Variants in ANXA10 observed in about 807,000 individuals in gnomAD.
The protein encoded by ANXA10 is annexin 14.
A neutral mutation model predicts 53.5 loss-of-function variants in ANXA10; 49 were observed. That is an observed-to-expected ratio of 0.92 (90% confidence interval 0.73 to 1.16). ANXA10 has a LOEUF of 1.16. Ranked by LOEUF, ANXA10 falls within the 50% of genes most tolerant of loss-of-function variation. The pLI is 0.00. For synonymous variants in ANXA10, 131 were observed against 128.9 expected (o/e 1.02, Z -0.11); for missense variants, 393 against 394.4 (o/e 1.00, Z 0.03).
chr4:168,148,293 A>C (rs925286717), intron 3 of ANXA10, among the ~76,000 whole-genome samples: 3 of 151,642 alleles, frequency 2.0e-5, no homozygotes, highest in Admixed American at 1.3e-4. Context: ...CAGCCTCCTG[A>C]GTAGCTGGGA....
chr4:168,105,889 G>C (rs1730712882), intron 1 of ANXA10, among the ~76,000 whole-genome samples: 1 of 151,792 alleles, frequency 6.6e-6, no homozygotes. Flanking sequence ...TTTTTCATAT[G>C]CTTCTTAGCC....
rs753292576 is a variant in ANXA10 at position 168,177,928 on chromosome 4, CAAAACCATGCTGCA to C, written c.576_589del (p.Lys192AsnfsTer31). Reference sequence around the variant, plus strand: ...CCTGTCAGCAGAAGACGGGGGAGCACAAAACCATGCTGCAAATGATCCTGTGCAACAAGAGCTAC... The same window carrying C: ...CCTGTCAGCAGAAGACGGGGGAGCACAATGATCCTGTGCAACAAGAGCTAC... On this transcript the variant is annotated frameshift_variant, in exon 8 of 12. Transcript: ENST00000359299. LOFTEE classifies it high-confidence loss of function. The C allele has an allele frequency of 8.7e-5, 141 of 1,613,960 alleles. 1 individual carries two copies. The highest frequency in any genetic ancestry group is 2.1e-4 in the South Asian group (19 of 91,060).
rs1731654352 is a variant in ANXA10 at position 168,156,099 on chromosome 4, A to G, written c.196-6429A>G. The stretch of plus-strand genomic sequence containing the variant: ...ATATATTATATATAATATTTATTAT[A>G]TATAAATATTATATTTATTTATATT... On this transcript the variant is annotated intron_variant, in intron 3 of 11. Transcript: ENST00000359299. 4.6e-5 allele frequency among the ~76,000 whole-genome samples: 3 copies of G among 64,528 alleles called. No individual in the cohort carries two copies. In the South Asian group the frequency reaches 1.3e-3, roughly 29 times the overall value. 42.3% of individuals were successfully genotyped at this position (64,528 alleles called of 152,430 possible).
intron 1 of ANXA10, among the ~76,000 whole-genome samples, chr4:168,097,469 A>G (rs1348392128): frequency 1.3e-5 from 2 of 152,012 alleles, no homozygotes. Flanking sequence ...ATTACATTCT[A>G]TATACAGACT....
chr4:168,116,996 G>GACACACACACACACACAC (rs9312272), intron 1 of ANXA10, among the ~76,000 whole-genome samples: 1,595 of 151,088 alleles, frequency 0.011, 16 homozygotes, highest in Non-Finnish European at 0.014. Context: ...TTTTCACACA[G>GACACACACACACACACAC]ACACACACAC....
chr4:168,096,058 G>A (rs1176014735), intron 1 of ANXA10, among the ~76,000 whole-genome samples: 1 of 152,128 alleles, frequency 6.6e-6, no homozygotes, highest in African/African-American at 2.4e-5. Flanking sequence ...GTTTTTAGCA[G>A]TGGATTACAT....
chr4:168,168,949 C>T (rs6832290), intron 6 of ANXA10, among the ~76,000 whole-genome samples: 3,678 of 152,214 alleles, frequency 0.024, 201 homozygotes, highest in East Asian at 0.14. Context: ...TGTGGTTTGG[C>T]TACATAGTTC....
intron 1 of ANXA10, among the ~76,000 whole-genome samples, chr4:168,106,131 C>G (rs1730716162): frequency 6.6e-6 from 1 of 151,988 alleles, no homozygotes; most frequent in Non-Finnish European, 1.5e-5. Context: ...TTTATTAGAT[C>G]CCATTTGTCA....
chr4:168,155,809 A>C (rs1253745977), intron 3 of ANXA10, among the ~76,000 whole-genome samples: 2 of 17,052 alleles, frequency 1.2e-4, no homozygotes, highest in African/African-American at 5.0e-4. Context: ...ATAATATATG[A>C]TATATTATAT....
chr4:168,155,420 AT>A (rs1731593061), intron 3 of ANXA10, among the ~76,000 whole-genome samples: 2 of 90,988 alleles, frequency 2.2e-5, no homozygotes, highest in Admixed American at 3.6e-4. Context: ...TATACATTAT[AT>A]TATATATAAT....
At chr4:168,179,074 T>C in intron 8 of ANXA10, 143 bp from the exon 9 acceptor site, 1 of 555,398 alleles carries the variant, frequency 1.8e-6, no homozygotes, top group South Asian at 2.0e-5. Flanking sequence ...TTTGTTTCAA[T>C]GGTATTTATA....
chr4:168,187,348 T>C lies in ANXA10; in HGVS notation c.907-18T>C. The C allele has an allele frequency of 6.6e-7, 1 of 1,509,656 alleles. No homozygotes were observed. The highest frequency in any genetic ancestry group is 9.1e-7 in the Non-Finnish European group (1 of 1,101,434). 93.5% of individuals were successfully genotyped at this position (1,509,656 alleles called of 1,614,324 possible). On this transcript the variant is annotated intron_variant, in intron 11 of 11. Transcript: ENST00000359299. ...ATTATGATATTTTATTTCAAATATA[T>C]TATATTTTTCTTTTCAGAATTTTGC... is the stretch of plus-strand genomic sequence containing the variant.
chr4:168,166,235 A>T (rs1281931248), intron 6 of ANXA10, among the ~76,000 whole-genome samples: 1 of 152,218 alleles, frequency 6.6e-6, no homozygotes, highest in East Asian at 1.9e-4. Context: ...TAGAGACTCT[A>T]AATGCCAGCA....
intron 1 of ANXA10, among the ~76,000 whole-genome samples, chr4:168,116,571 C>T (rs1560961885): frequency 6.6e-6 from 1 of 151,972 alleles, no homozygotes; most frequent in Admixed American, 6.6e-5. Context: ...CCCCCACCCC[C>T]CAAAAAATAA....
chr4:168,182,066 G>A (rs1732259431), intron 10 of ANXA10, among the ~76,000 whole-genome samples: 1 of 152,016 alleles, frequency 6.6e-6, no homozygotes, highest in African/African-American at 2.4e-5. Context: ...TCAGACTTAT[G>A]CAAGTACAAA....
At position 168,135,195 on chromosome 4, in the gene ANXA10, G is replaced by A. The variant is rs117398010; in HGVS notation, c.101-4291G>A. Among the ~76,000 whole-genome samples, 256 of 152,328 alleles carry A rather than the reference G, an allele frequency of 1.7e-3. 2 individuals are homozygous for A. Among genetic ancestry groups the A allele is most frequent in the East Asian group, 0.013 (67 of 5,180 alleles). On this transcript the variant is annotated intron_variant, in intron 2 of 11. Transcript: ENST00000359299. The stretch of plus-strand genomic sequence containing the variant: ...AGATAGTAGGAAAGAACTAAAGGAT[G>A]TTGGGCAGGGAGGGCATTGGTCAAT...
At chr4:168,184,795 A>T in intron 11 of ANXA10, 114 bp downstream of exon 11, 2 of 1,388,662 alleles carry the variant, frequency 1.4e-6, no homozygotes, top group Non-Finnish European at 2.0e-6. Context: ...AACTATTCAG[A>T]CAGGGATAAC....
intron 6 of ANXA10, among the ~76,000 whole-genome samples, chr4:168,175,757 G>A (rs1045405538): frequency 6.6e-6 from 1 of 152,198 alleles, no homozygotes; most frequent in African/African-American, 2.4e-5. Context: ...ACAAACTCAT[G>A]CCTATTTCCC....
At chr4:168,165,017 T>C (rs1731849904) in intron 5 of ANXA10, among the ~76,000 whole-genome samples, 1 of 152,162 alleles carries the variant, frequency 6.6e-6, no homozygotes, top group Non-Finnish European at 1.5e-5. Flanking sequence ...TGACTCTCAA[T>C]CCTGTTTTTC....
Sources: gnomAD v4.1 joint callset for allele counts (sites outside exome capture counted in the v4.1 genomes callset) on GRCh38, gnomAD v4.1.1 for gene constraint, MANE v1.5 for transcripts, NCBI Gene and HGNC (gene_info 2026-07-23, HGNC 2026-07-21) for gene names.